The following FER1L6 variants were observed in gnomAD, a reference collection of about 807,000 sequenced individuals.
FER1L6 encodes fer-1 like family member 6.
A neutral mutation model predicts 219.2 loss-of-function variants in FER1L6; 177 were observed. The observed-to-expected ratio is 0.81, with a 90% CI of 0.71 to 0.91. FER1L6 has a LOEUF of 0.91. FER1L6 is among the 40% of genes least tolerant of loss of function. The probability of loss-of-function intolerance (pLI) is 0.00; values close to 1 mark genes in which losing one functional copy is unlikely to be tolerated. For missense variants in FER1L6, 2,153 were observed against 2,259.9 expected (o/e 0.95, Z 0.96); for synonymous variants, 768 against 824.3 (o/e 0.93, Z 1.17).
intron 18 of FER1L6, among the ~76,000 whole-genome samples, chr8:124,024,783 C>A (rs1039839959): frequency 3.3e-5 from 5 of 152,184 alleles, no homozygotes; most frequent in Non-Finnish European, 7.4e-5. Context: ...AATCTCCATA[C>A]TGTTTTCCGT....
intron 24 of FER1L6, among the ~76,000 whole-genome samples, chr8:124,061,534 T>TAATGG (rs1361026896): frequency 6.6e-6 from 1 of 152,170 alleles, no homozygotes; most frequent in African/African-American, 2.4e-5. Flanking sequence ...CTGGATAAGC[T>TAATGG]GTCTTTGGAG....
At chr8:123,905,085 A>AT (rs958719996) in intron 1 of FER1L6, among the ~76,000 whole-genome samples, 15 of 151,764 alleles carry the variant, frequency 9.9e-5, no homozygotes, top group Admixed American at 1.3e-4. Flanking sequence ...TCCCACTTAA[A>AT]TTTTTTTTTA....
intron 1 of FER1L6, among the ~76,000 whole-genome samples, chr8:123,878,779 CTG>C (rs897754216): frequency 4.6e-5 from 7 of 152,182 alleles, no homozygotes; most frequent in African/African-American, 1.4e-4. Flanking sequence ...TTATATTTAA[CTG>C]TATTTATTTT....
At chr8:123,854,632 C>A (rs139051414) in intron 1 of FER1L6, among the ~76,000 whole-genome samples, 7 of 152,246 alleles carry the variant, frequency 4.6e-5, no homozygotes, top group African/African-American at 1.4e-4. Context: ...CCCTTTATTA[C>A]CAAGGGTGTC....
chr8:124,119,223 C>T (rs932131052), intron 40 of FER1L6, among the ~76,000 whole-genome samples: 29 of 152,104 alleles, frequency 1.9e-4, no homozygotes, highest in African/African-American at 7.0e-4. Context: ...TCCGTAGTTT[C>T]AAAAGGGGGT....
chr8:124,000,480 A>G (rs903990710), intron 12 of FER1L6, among the ~76,000 whole-genome samples: 1 of 152,174 alleles, frequency 6.6e-6, no homozygotes, highest in African/African-American at 2.4e-5. Flanking sequence ...ATTTATTTTC[A>G]TACTTCACAA....
intron 1 of FER1L6, among the ~76,000 whole-genome samples, chr8:123,926,984 G>A (rs1195009264): frequency 6.6e-6 from 1 of 151,992 alleles, no homozygotes; most frequent in African/African-American, 2.4e-5. Flanking sequence ...TAATACATAT[G>A]ATTTATTTCA....
chr8:123,900,449 T>C (rs1812836910), intron 1 of FER1L6, among the ~76,000 whole-genome samples: 1 of 152,188 alleles, frequency 6.6e-6, no homozygotes, highest in African/African-American at 2.4e-5. Flanking sequence ...CAGTGACAGT[T>C]TGACTTCCTT....
intron 22 of FER1L6, among the ~76,000 whole-genome samples, chr8:124,053,476 T>C (rs1429042037): frequency 6.6e-6 from 1 of 152,208 alleles, no homozygotes; most frequent in Non-Finnish European, 1.5e-5. Context: ...ATGACTGTCT[T>C]AGCATGTGGA....
At chr8:123,965,530 A>G (rs1166545348) in intron 3 of FER1L6, among the ~76,000 whole-genome samples, 1 of 152,046 alleles carries the variant, frequency 6.6e-6, no homozygotes, top group African/African-American at 2.4e-5. Flanking sequence ...ATTCCCTTCA[A>G]TTTTTTCCTT....
chr8:124,056,309 G>A (rs1820294198), intron 22 of FER1L6, among the ~76,000 whole-genome samples: 1 of 152,198 alleles, frequency 6.6e-6, no homozygotes, highest in Non-Finnish European at 1.5e-5. Flanking sequence ...TTTGGTCTAT[G>A]TGGCTGGCCT....
In FER1L6 at chr8:123,976,027, G is replaced by A. The variant is rs11991668; in HGVS notation, c.813G>A (p.Val271=). 6.2e-7 allele frequency: 1 copy of A among 1,613,928 alleles called. No individual in the cohort carries two copies. The highest frequency in any genetic ancestry group is 1.3e-5 in the African/African-American group (1 of 74,898). The change falls in exon 9 of 41, where the codon GTG becomes GTA. Residue 271 remains valine (V), a synonymous_variant. Transcript: ENST00000522917. ...TGGCGAACGTCACCAAGGCATTTGT[G>A]GGTGACAGTAAGGACCTGGTGGATC... The part of the protein sequence containing the change: ...SIMANVTKAF[V]GDSKDLVDPF...
chr8:123,940,474 A>T (rs1360398607), intron 1 of FER1L6, among the ~76,000 whole-genome samples: 1 of 152,060 alleles, frequency 6.6e-6, no homozygotes, highest in Non-Finnish European at 1.5e-5. Flanking sequence ...AGTAGCTGGG[A>T]CTACAGGCAC....
intron 21 of FER1L6, 197 bp downstream of exon 21, chr8:124,046,098 A>C: frequency 1.8e-6 from 1 of 542,384 alleles, no homozygotes; most frequent in South Asian, 3.3e-5. Context: ...CTTTACTAAA[A>C]GAGTTTTTCA....
At chr8:123,986,551 C>G (rs1285109565) in intron 12 of FER1L6, among the ~76,000 whole-genome samples, 4 of 152,124 alleles carry the variant, frequency 2.6e-5, no homozygotes, top group African/African-American at 7.2e-5. Context: ...TAAAAACGTA[C>G]AGTAAGTTGT....
chr8:123,998,179 C>T (rs1051871807), intron 12 of FER1L6, among the ~76,000 whole-genome samples: 3 of 152,084 alleles, frequency 2.0e-5, no homozygotes, highest in African/African-American at 7.2e-5. Flanking sequence ...TTTGAAGGGA[C>T]TTGGGAGTTG....
chr8:124,119,582 TGA>T, intron 40 of FER1L6, 23 bp from the exon 41 acceptor site: 27 of 1,538,812 alleles, frequency 1.8e-5, no homozygotes, highest in Admixed American at 1.0e-4. Context: ...GCCCCCTTTT[TGA>T]TTTTCTCTTC....
chr8:124,046,387 A>G (rs1269947976), intron 21 of FER1L6: 2 of 153,482 alleles, frequency 1.3e-5, no homozygotes, highest in African/African-American at 4.8e-5. Context: ...CTTTCACAAC[A>G]CTTTAATCTC....
At chr8:124,043,093 G>A (rs1019084451) in intron 20 of FER1L6, among the ~76,000 whole-genome samples, 6 of 152,216 alleles carry the variant, frequency 3.9e-5, no homozygotes, top group Non-Finnish European at 8.8e-5. Context: ...TCTTACCCCA[G>A]TGCACCAAGG....
Sources: allele counts gnomAD v4.1 joint callset (sites outside exome capture counted in the v4.1 genomes callset), GRCh38; gene constraint gnomAD v4.1.1; transcripts MANE v1.5; gene names NCBI Gene and HGNC (gene_info 2026-07-23, HGNC 2026-07-21).